Variants in GALNT13 observed in about 807,000 individuals in gnomAD.
GALNT13 encodes the protein polypeptide N-acetylgalactosaminyltransferase 13.
Under a neutral mutation model 64.2 loss-of-function variants are expected in GALNT13, and 28 were observed. That is an observed-to-expected ratio of 0.44 (90% confidence interval 0.32 to 0.60). The LOEUF is 0.60. Ranked by LOEUF, GALNT13 falls within the 20% of genes least tolerant of loss-of-function variation. The probability of loss-of-function intolerance (pLI) is 0.05; values close to 1 mark genes in which losing one functional copy is unlikely to be tolerated. For missense variants in GALNT13, 577 were observed against 669.8 expected, an observed-to-expected ratio of 0.86 and a Z score of 1.53; for synonymous variants, 214 against 224.6, an observed-to-expected ratio of 0.95 and a Z score of 0.42.
At chr2:153,147,860 A>G in the GALNT13 span, among the ~76,000 whole-genome samples, 1 of 151,756 alleles carries the variant, frequency 6.6e-6, no homozygotes, top group Non-Finnish European at 1.5e-5. Flanking sequence ...TTGAGGATAT[A>G]AAAGGGAGAA....
chr2:153,479,007 C>T, the GALNT13 span, among the ~76,000 whole-genome samples: 1 of 152,218 alleles, frequency 6.6e-6, no homozygotes, highest in African/African-American at 2.4e-5. Flanking sequence ...TTGCTTGCTT[C>T]TTTTGCAAAC....
chr2:153,495,161 T>A, the GALNT13 span, among the ~76,000 whole-genome samples: 1 of 152,162 alleles, frequency 6.6e-6, no homozygotes. Context: ...TTAGTGAAGA[T>A]GTAGAACAAC....
the GALNT13 span, among the ~76,000 whole-genome samples, chr2:153,157,367 C>G: frequency 1.3e-5 from 2 of 152,216 alleles, no homozygotes; most frequent in African/African-American, 4.8e-5. Context: ...AGCTTCCTTT[C>G]TATCCTCTAG....
intron 8 of GALNT13, among the ~76,000 whole-genome samples, chr2:154,298,011 G>C (rs1015931014): frequency 4.6e-5 from 7 of 152,144 alleles, no homozygotes; most frequent in African/African-American, 1.7e-4. Flanking sequence ...GGATACACAA[G>C]TCTGGATCCC....
chr2:153,835,178 T>G, the GALNT13 span, among the ~76,000 whole-genome samples: 1 of 152,020 alleles, frequency 6.6e-6, no homozygotes, highest in African/African-American at 2.4e-5. Context: ...CTTGGATGGA[T>G]TTTTTAAATA....
At chr2:153,396,552 T>C in the GALNT13 span, among the ~76,000 whole-genome samples, 1 of 152,088 alleles carries the variant, frequency 6.6e-6, no homozygotes, top group African/African-American at 2.4e-5. Context: ...CAATGTAATG[T>C]GTATAAAATA....
At chr2:154,159,333 C>A (rs1315130694) in intron 4 of GALNT13, among the ~76,000 whole-genome samples, 1 of 151,922 alleles carries the variant, frequency 6.6e-6, no homozygotes, top group African/African-American at 2.4e-5. Context: ...TGAGGTTTCA[C>A]CATGTTGGCC....
At chr2:153,371,591 A>G in the GALNT13 span, among the ~76,000 whole-genome samples, 9 of 152,216 alleles carry the variant, frequency 5.9e-5, no homozygotes, top group African/African-American at 2.2e-4. Flanking sequence ...AAATCTAAAG[A>G]AAAACTATGT....
the GALNT13 span, among the ~76,000 whole-genome samples, chr2:153,320,642 ATC>A: frequency 6.6e-6 from 1 of 152,204 alleles, no homozygotes; most frequent in Non-Finnish European, 1.5e-5. Context: ...GAATTGTAAT[ATC>A]TCTGTATCAC....
At chr2:153,999,640 C>A (rs1259756709) in intron 3 of GALNT13, among the ~76,000 whole-genome samples, 1 of 151,978 alleles carries the variant, frequency 6.6e-6, no homozygotes, top group African/African-American at 2.4e-5. Flanking sequence ...GTATGATGAA[C>A]CATCCTTTCA....
chr2:154,237,569 T>A (rs1248997240), intron 4 of GALNT13, among the ~76,000 whole-genome samples: 3 of 147,804 alleles, frequency 2.0e-5, no homozygotes, highest in Non-Finnish European at 3.0e-5. Context: ...TAGATATTAT[T>A]TATAATATAT....
intron 7 of GALNT13, among the ~76,000 whole-genome samples, chr2:154,256,234 T>G (rs1337168161): frequency 1.3e-5 from 2 of 150,372 alleles, no homozygotes; most frequent in Non-Finnish European, 3.0e-5. Context: ...AAAGGTAGAT[T>G]CACCCAAGCA....
chr2:153,428,596 C>A, the GALNT13 span, among the ~76,000 whole-genome samples: 1 of 152,150 alleles, frequency 6.6e-6, no homozygotes, highest in East Asian at 1.9e-4. Context: ...TTATAAAGTG[C>A]TCCTTATAAA....
chr2:153,115,963 A>C, the GALNT13 span, among the ~76,000 whole-genome samples: 36 of 152,262 alleles, frequency 2.4e-4, no homozygotes, highest in African/African-American at 7.0e-4. Context: ...TTAATGAAAA[A>C]TTGGCCAGTG....
At chr2:153,133,797 C>T in the GALNT13 span, among the ~76,000 whole-genome samples, 1 of 152,144 alleles carries the variant, frequency 6.6e-6, no homozygotes, top group Non-Finnish European at 1.5e-5. Flanking sequence ...ACATGGCTTC[C>T]GTCTTCCCAA....
chr2:154,260,742 A>G (rs1484000203), intron 8 of GALNT13, among the ~76,000 whole-genome samples: 1 of 152,212 alleles, frequency 6.6e-6, no homozygotes, highest in Non-Finnish European at 1.5e-5. Context: ...AAAAGAAATC[A>G]GTATATTCAG....
chr2:154,249,390 T>A lies in GALNT13; in HGVS notation c.857+3408T>A, dbSNP rs141058129. Among the ~76,000 whole-genome samples, 85 of 152,246 alleles carry A rather than the reference T, an allele frequency of 5.6e-4. 1 individual carries two copies. The highest frequency in any genetic ancestry group is 3.4e-3 in the Middle Eastern group (1 of 294). ...CTAGTGTAAATGGTCCAAGTGTGGA[T>A]GTACAGGAATAATTATGTCTACTAC... On this transcript the variant is annotated intron_variant, in intron 7 of 12. Coordinates refer to ENST00000392825, the MANE Select transcript of GALNT13 (RefSeq NM_052917.4).
At chr2:153,211,551 C>T in the GALNT13 span, among the ~76,000 whole-genome samples, 1 of 152,146 alleles carries the variant, frequency 6.6e-6, no homozygotes, top group African/African-American at 2.4e-5. Context: ...CATTAATTTT[C>T]ATGAGACGGG....
At chr2:154,037,951 C>T (rs1419537650) in intron 3 of GALNT13, among the ~76,000 whole-genome samples, 1 of 152,010 alleles carries the variant, frequency 6.6e-6, no homozygotes, top group Non-Finnish European at 1.5e-5. Context: ...CCTGGGAGTT[C>T]AAGACCCACA....
Sources: allele counts gnomAD v4.1 joint callset (sites outside exome capture counted in the v4.1 genomes callset), GRCh38; gene constraint gnomAD v4.1.1; transcripts MANE v1.5; gene names NCBI Gene and HGNC (gene_info 2026-07-23, HGNC 2026-07-21).